The following NCL variants were observed in gnomAD, a reference collection of about 807,000 sequenced individuals.
The protein encoded by NCL is nucleolin multifunctional protein.
Under a neutral mutation model 77.7 loss-of-function variants are expected in NCL, and 4 were observed. The observed-to-expected ratio is 0.05, with a 90% CI of 0.03 to 0.12. NCL has a LOEUF of 0.12. Among genes scored for constraint, NCL ranks in the 10% least tolerant of loss-of-function variants. The pLI, the probability that NCL is intolerant of heterozygous loss-of-function variation, is 1.00. For synonymous variants in NCL, 344 were observed against 297.8 expected, an observed-to-expected ratio of 1.16 and a Z score of -1.60; for missense variants, 763 against 860.9, an observed-to-expected ratio of 0.89 and a Z score of 1.42.
At chr2:231,459,452 C>G (rs922700077) in intron 6 of NCL, among the ~76,000 whole-genome samples, 1 of 152,112 alleles carries the variant, frequency 6.6e-6, no homozygotes, top group African/African-American at 2.4e-5. Flanking sequence ...ACTATGATGA[C>G]TAGACAGGTC....
chr2:231,462,393 C>T (rs1026751166), intron 2 of NCL: 2 of 382,762 alleles, frequency 5.2e-6, no homozygotes, highest in South Asian at 2.0e-5. Context: ...ACATAGGAGG[C>T]TCCAAGCATT....
rs1575257293 is a variant in NCL, at chr2:231,455,186, A to G, written c.*5T>C. 1.2e-6 allele frequency: 2 copies of G among 1,611,492 alleles called. No individual in the cohort carries two copies. The highest frequency in any genetic ancestry group is 1.7e-6 in the Non-Finnish European group (2 of 1,177,714). On this transcript the variant is annotated 3_prime_UTR_variant, in exon 14 of 14. Transcript: ENST00000322723. ...AATGGAAAAGGGAAAGCAGAGGGAC[A>G]GAAGCTATTCAAACTTCGTCTTCTT...
Position 231,459,012 on chromosome 2 carries a change from T to G in NCL, c.1154A>C (p.Asp385Ala). ...AAAGCCTTACATACCTTTCTTACTG[T>G]CTTTTCCTTTTGGTTTCTCTAGTTT... ...EIKLEKPKGK[D>A]SKKERDARTL... The change falls in exon 7 of 14, where the codon GAC becomes GCC. Residue 385 changes from aspartate to alanine, a missense_variant. Physicochemically the swap from Asp to Ala is moderately radical, Grantham distance 126 (BLOSUM62 -2). Coordinates refer to ENST00000322723, the MANE Select transcript of NCL (RefSeq NM_005381.3). 1 of 1,593,972 alleles carries G rather than the reference T, an allele frequency of 6.3e-7. No individual in the cohort carries two copies. The highest frequency in any genetic ancestry group is 8.5e-7 in the Non-Finnish European group (1 of 1,172,530).
intron 3 of NCL, among the ~76,000 whole-genome samples, 194 bp from the exon 4 acceptor site, chr2:231,461,060 C>A (rs963530798): frequency 5.9e-5 from 9 of 152,122 alleles, no homozygotes; most frequent in Admixed American, 3.3e-4. Flanking sequence ...GGGTGGATCA[C>A]CTGAGGTCAA....
intron 6 of NCL, among the ~76,000 whole-genome samples, 163 bp from the exon 7 acceptor site, chr2:231,459,288 A>C (rs1406153770): frequency 3.9e-5 from 6 of 152,220 alleles, no homozygotes; most frequent in Non-Finnish European, 8.8e-5. Flanking sequence ...CTGCAGCTAC[A>C]GAACAAGGTC....
intron 2 of NCL, chr2:231,462,865 A>G (rs1029544101): frequency 3.0e-6 from 1 of 330,056 alleles, no homozygotes; most frequent in African/African-American, 2.2e-5. Context: ...TGGTAAGGTT[A>G]TCCTCAGCTC....
chr2:231,455,923 C>G, intron 12 of NCL, 87 bp downstream of exon 12: 3 of 1,594,006 alleles, frequency 1.9e-6, no homozygotes, highest in Non-Finnish European at 1.7e-6. Flanking sequence ...CAGAAAGGAG[C>G]TCAATGAGAA....
At chr2:231,462,602 G>A (rs1180011987) in intron 2 of NCL, 3 of 507,650 alleles carry the variant, frequency 5.9e-6, no homozygotes, top group Admixed American at 4.0e-5. Context: ...GTTTTATCAG[G>A]CAATGTGTGG....
rs753039666 is a variant in NCL, at chr2:231,456,400, G to T, written c.1705+231C>A. On this transcript the variant is annotated intron_variant, in intron 11 of 13. Coordinates refer to ENST00000322723, the MANE Select transcript of NCL (RefSeq NM_005381.3). Reference sequence around the variant, plus strand: ...CCAAGCAGGTGGGGCCCAGTGGATGGGGCAGGAAATCATGGGCAAACTTGC... The same window carrying T: ...CCAAGCAGGTGGGGCCCAGTGGATGTGGCAGGAAATCATGGGCAAACTTGC... 3 of 950,436 alleles carry T rather than the reference G, an allele frequency of 3.2e-6. No individual in the cohort carries two copies. In the South Asian group the frequency reaches 3.9e-5, roughly 12 times the overall value. 58.9% of individuals were successfully genotyped at this position (950,436 alleles called of 1,614,324 possible). A position where few individuals can be genotyped will look rare whatever the true frequency, so the allele number is the denominator to read the frequency against.
chr2:231,464,458 C>G lies in NCL; in HGVS notation c.-105G>C. Reference sequence around the variant, plus strand: ...TGCTGAAGATCCCGGAGCACGTACACCCGAAGGCCAGCGAGAGCTCGAGAC... The same window carrying G: ...TGCTGAAGATCCCGGAGCACGTACAGCCGAAGGCCAGCGAGAGCTCGAGAC... On this transcript the variant is annotated 5_prime_UTR_variant, in exon 1 of 14. Coordinates refer to ENST00000322723, the MANE Select transcript of NCL (RefSeq NM_005381.3). The G allele has an allele frequency of 6.8e-7, 1 of 1,460,318 alleles. No homozygotes were observed. The highest frequency in any genetic ancestry group is 1.2e-5 in the South Asian group (1 of 82,538). The allele number at this position is 1,460,318 out of a possible 1,614,324, so 90.5% of individuals were successfully genotyped here.
intron 1 of NCL, chr2:231,463,811 A>G (rs12467449): frequency 0.11 from 18,416 of 163,500 alleles, 1,417 homozygotes; most frequent in East Asian, 0.36. Context: ...CCCGAAACAC[A>G]GCGCAAAAGG....
rs1559540527 is a variant in NCL, at chr2:231,457,132, T to C, written c.1448-8A>G. On this transcript the variant is annotated splice_region_variant and splice_polypyrimidine_tract_variant and intron_variant, in intron 9 of 13. Coordinates refer to ENST00000322723, the MANE Select transcript of NCL (RefSeq NM_005381.3). Reference sequence around the variant, plus strand: ...CCAGAGTTTTTGATTCACCTGCAAATAGAGATGCCACATTCCTAAGACTCT... The same window carrying C: ...CCAGAGTTTTTGATTCACCTGCAAACAGAGATGCCACATTCCTAAGACTCT... 8 of 1,613,504 alleles carry C rather than the reference T, an allele frequency of 5.0e-6. No homozygotes were observed. The highest frequency in any genetic ancestry group is 5.9e-6 in the Non-Finnish European group (7 of 1,179,864).
Position 231,461,913 on chromosome 2 carries a change from T to C in NCL, c.240A>G (p.Lys80=). ...KKVAVATPAK[K]AAVTPGKKAA... ...CCTTTTTGCCTGGAGTGACAGCTGC[T>C]TTCTTGGCTGGTGTGGCAACTGCAA... The change falls in exon 3 of 14, where the codon AAA becomes AAG. Residue 80 remains lysine (K), a synonymous_variant. Transcript: ENST00000322723. 6.2e-7 allele frequency: 1 copy of C among 1,614,242 alleles called. No individual in the cohort carries two copies. Among genetic ancestry groups the C allele is most frequent in the East Asian group, 2.2e-5 (1 of 44,892 alleles).
At chr2:231,458,683 T>C (rs978527085) in intron 7 of NCL, 42 of 440,400 alleles carry the variant, frequency 9.5e-5, no homozygotes, top group Middle Eastern at 1.2e-3. Context: ...CAACTGTATA[T>C]AGGGAGTAAT....
In NCL at chr2:231,461,792, T is replaced by TTGC; in HGVS notation, c.358_360dup (p.Ala120dup). 1 of 1,614,150 alleles carries TTGC rather than the reference T, an allele frequency of 6.2e-7. No homozygotes were observed. Among genetic ancestry groups the TTGC allele is most frequent in the Middle Eastern group, 1.6e-4 (1 of 6,062 alleles). On this transcript the variant is annotated inframe_insertion, in exon 3 of 14. Transcript: ENST00000322723. ...ATGGCAGCACCCTTCTTACCAGGAG[T>TTGC]TGCTACCAATGCTTTGCCTGGTGTG...
intron 13 of NCL, 23 bp downstream of exon 13, chr2:231,455,378 G>C (rs761131455): frequency 1.2e-6 from 2 of 1,613,650 alleles, no homozygotes; most frequent in Non-Finnish European, 1.7e-6. Context: ...GCTATGTGGT[G>C]TCATTATCTC....
At position 231,457,719 on chromosome 2, in the gene NCL, T is replaced by G. The variant is rs1272639204; in HGVS notation, c.1371A>C (p.Arg457=). 8 of 1,612,688 alleles carry G rather than the reference T, an allele frequency of 5.0e-6. No individual in the cohort carries two copies. The highest frequency in any genetic ancestry group is 4.4e-5 in the South Asian group (4 of 90,978). Residue 457 remains arginine (R), a synonymous_variant, in exon 9 of 14, where the codon CGA becomes CGC. Transcript: ENST00000322723. ...EEKQGTEIDG[R]SISLYYTGEK... The stretch of plus-strand genomic sequence containing the variant: ...CTCCAGTATAGTACAGGGAAATAGA[T>G]CGCCCATCGATCTCTGTTCCCTGCT...
In NCL at chr2:231,456,591, T is replaced by C. The variant is rs774642293; in HGVS notation, c.1705+40A>G. On this transcript the variant is annotated intron_variant, in intron 11 of 13. Transcript: ENST00000322723. ...CAAAAAATAAACAAAGCACCGAGAG[T>C]GCTACCCCCAACCACAGCACCCTAA... is the stretch of plus-strand genomic sequence containing the variant. 8.7e-6 allele frequency: 14 copies of C among 1,609,670 alleles called. No individual in the cohort carries two copies. In the African/African-American group the frequency reaches 9.4e-5, roughly 11 times the overall value.
intron 6 of NCL, among the ~76,000 whole-genome samples, chr2:231,459,832 G>C (rs1385472026): frequency 6.6e-6 from 1 of 151,772 alleles, no homozygotes; most frequent in Admixed American, 6.6e-5. Flanking sequence ...GCTTGAACCC[G>C]GGAGGCAGAG....
Sources: gnomAD v4.1 joint callset for allele counts (sites outside exome capture counted in the v4.1 genomes callset) on GRCh38, gnomAD v4.1.1 for gene constraint, MANE v1.5 for transcripts, NCBI Gene and HGNC (gene_info 2026-07-23, HGNC 2026-07-21) for gene names.